The following PRKN variants were observed in gnomAD, a reference collection of about 807,000 sequenced individuals.
PRKN encodes the protein parkin RBR E3 ubiquitin protein ligase.
PRKN carries 56 observed loss-of-function variants against 59.5 expected under a neutral mutation model. The observed-to-expected ratio is 0.94, with a 90% confidence interval of 0.76 to 1.18. The LOEUF (loss-of-function observed/expected upper bound fraction) is 1.18. Ranked by LOEUF, PRKN falls within the 50% of genes most tolerant of loss-of-function variation. The pLI is 0.00. For missense variants in PRKN, 657 were observed against 596.4 expected (o/e 1.10, Z -1.06); for synonymous variants, 250 against 222.1 (o/e 1.13, Z -1.12).
chr6:161,653,537 T>C (rs1784226332), intron 7 of PRKN, among the ~76,000 whole-genome samples: 1 of 152,124 alleles, frequency 6.6e-6, no homozygotes, highest in Non-Finnish European at 1.5e-5. Context: ...GTAAATATCA[T>C]CCGGGTGCGT....
chr6:162,005,830 T>C (rs1237506757), intron 5 of PRKN, among the ~76,000 whole-genome samples: 1 of 152,066 alleles, frequency 6.6e-6, no homozygotes, highest in African/African-American at 2.4e-5. Context: ...GGTTGGAAGA[T>C]GGGAAGGAGA....
At chr6:161,786,414 C>T (rs1161873912) in intron 6 of PRKN, among the ~76,000 whole-genome samples, 2 of 151,950 alleles carry the variant, frequency 1.3e-5, no homozygotes, top group South Asian at 2.1e-4. Context: ...ATCTTTAAAA[C>T]ATTTTAAATA....
At chr6:161,713,779 T>G (rs146524960) in intron 7 of PRKN, among the ~76,000 whole-genome samples, 37 of 152,296 alleles carry the variant, frequency 2.4e-4, no homozygotes, top group African/African-American at 8.4e-4. Flanking sequence ...AATCTCATCT[T>G]GAATTGTAGC....
chr6:161,766,892 C>T (rs1789445643), intron 7 of PRKN, among the ~76,000 whole-genome samples: 1 of 152,160 alleles, frequency 6.6e-6, no homozygotes, highest in African/African-American at 2.4e-5. Flanking sequence ...ACTTTACAGT[C>T]AGGCAGACCT....
At chr6:162,057,422 C>T (rs1437836887) in intron 4 of PRKN, among the ~76,000 whole-genome samples, 1 of 152,062 alleles carries the variant, frequency 6.6e-6, no homozygotes, top group African/African-American at 2.4e-5. Context: ...ATTCCCTGAC[C>T]TGCCAAGCTG....
intron 7 of PRKN, among the ~76,000 whole-genome samples, chr6:161,703,743 T>G (rs1001885354): frequency 4.0e-5 from 6 of 149,916 alleles, no homozygotes; most frequent in Admixed American, 1.3e-4. Context: ...CATATGAAAC[T>G]AAAGTCCTAT....
chr6:162,568,071 A>G (rs2128207887), intron 1 of PRKN, among the ~76,000 whole-genome samples: 1 of 152,316 alleles, frequency 6.6e-6, no homozygotes, highest in South Asian at 2.1e-4. Context: ...AGGCAGAAGA[A>G]TGAAACTAGA....
intron 5 of PRKN, among the ~76,000 whole-genome samples, chr6:162,049,067 G>T (rs1263252326): frequency 6.6e-6 from 1 of 152,042 alleles, no homozygotes; most frequent in Non-Finnish European, 1.5e-5. Flanking sequence ...TTAGGTTCAG[G>T]TTTCTCTGTC....
At chr6:161,731,399 C>CA (rs1416717473) in intron 7 of PRKN, among the ~76,000 whole-genome samples, 2 of 152,230 alleles carry the variant, frequency 1.3e-5, no homozygotes, top group Admixed American at 6.5e-5. Flanking sequence ...TAACTGTAGG[C>CA]ATTTCTACAC....
intron 2 of PRKN, among the ~76,000 whole-genome samples, chr6:162,407,736 C>T (rs976946056): frequency 6.6e-6 from 1 of 151,948 alleles, no homozygotes; most frequent in African/African-American, 2.4e-5. Context: ...ATTTTACTTC[C>T]CCAAATAGAT....
At chr6:162,040,266 T>A (rs1454273128) in intron 5 of PRKN, among the ~76,000 whole-genome samples, 1 of 152,146 alleles carries the variant, frequency 6.6e-6, no homozygotes, top group African/African-American at 2.4e-5. Flanking sequence ...AGTGTACAGG[T>A]CAACAAAAGA....
intron 2 of PRKN, among the ~76,000 whole-genome samples, chr6:162,295,174 A>G (rs1347413438): frequency 1.3e-5 from 2 of 152,142 alleles, no homozygotes; most frequent in Non-Finnish European, 2.9e-5. Flanking sequence ...AACATCAGGG[A>G]GCTCTTCCAA....
rs1345446326 is a variant in PRKN at position 161,444,136 on chromosome 6, A to T, written c.1084-57259T>A. Among the ~76,000 whole-genome samples, 1 of 152,200 alleles carries T rather than the reference A, an allele frequency of 6.6e-6. No individual in the cohort carries two copies. The highest frequency in any genetic ancestry group is 1.5e-5 in the Non-Finnish European group (1 of 68,040). On this transcript the variant is annotated intron_variant, in intron 9 of 11. Transcript: ENST00000366898. This position sits in a 1 kb window ranked among gnomAD's most constrained non-coding sequence, Gnocchi z 5.6. ...TGGACTGGGGGACTGGGAATCGGCC[A>T]GGCCAGGCCCAGCGGGTGGGAGCTG...
intron 1 of PRKN, among the ~76,000 whole-genome samples, chr6:162,516,746 G>A (rs1356583180): frequency 1.3e-4 from 18 of 139,176 alleles, no homozygotes; most frequent in African/African-American, 8.2e-5. Flanking sequence ...CGGGGCAACA[G>A]AGCGAGACTC....
intron 5 of PRKN, among the ~76,000 whole-genome samples, chr6:162,053,099 T>C (rs1448940591): frequency 6.6e-6 from 1 of 152,174 alleles, no homozygotes; most frequent in Admixed American, 6.5e-5. Flanking sequence ...TTATCTTTCT[T>C]CAGGATTTGG....
chr6:162,010,280 G>T (rs1199241904), intron 5 of PRKN, among the ~76,000 whole-genome samples: 5 of 112,630 alleles, frequency 4.4e-5, no homozygotes, highest in African/African-American at 1.4e-4. Flanking sequence ...TATTATGTAT[G>T]ATAAATATAT....
chr6:162,028,871 C>T (rs1459181130), intron 5 of PRKN, among the ~76,000 whole-genome samples: 1 of 152,206 alleles, frequency 6.6e-6, no homozygotes, highest in Non-Finnish European at 1.5e-5. Flanking sequence ...AGGAATGAAA[C>T]ATGGCACAAG....
intron 2 of PRKN, among the ~76,000 whole-genome samples, chr6:162,355,128 T>C (rs1011024885): frequency 2.0e-5 from 3 of 151,170 alleles, no homozygotes; most frequent in African/African-American, 7.4e-5. Flanking sequence ...ATTTTTCTGT[T>C]TTCATAGAAT....
At chr6:162,221,593 C>T (rs1211230806) in intron 3 of PRKN, among the ~76,000 whole-genome samples, 1 of 152,162 alleles carries the variant, frequency 6.6e-6, no homozygotes, top group Non-Finnish European at 1.5e-5. Context: ...GCTCCAAAAT[C>T]GTCAGCCAAA....
Sources: allele counts gnomAD v4.1 joint callset (sites outside exome capture counted in the v4.1 genomes callset), GRCh38; gene constraint gnomAD v4.1.1; non-coding constraint Gnocchi (gnomAD v3.1); transcripts MANE v1.5; gene names NCBI Gene and HGNC (gene_info 2026-07-23, HGNC 2026-07-21).